The following SLC23A2 variants were observed in gnomAD, a reference collection of about 807,000 sequenced individuals.
SLC23A2 encodes the protein solute carrier family 23 member 2.
SLC23A2 carries 36 observed loss-of-function variants against 73.3 expected under a neutral mutation model. That is an observed-to-expected ratio of 0.49 (90% CI 0.38 to 0.65). The LOEUF is 0.65. Among genes scored for constraint, SLC23A2 ranks in the 30% least tolerant of loss-of-function variants. The pLI, the probability that SLC23A2 is intolerant of heterozygous loss-of-function variation, is 0.00. For synonymous variants in SLC23A2, 343 were observed against 327.3 expected, an observed-to-expected ratio of 1.05 and a Z score of -0.52; for missense variants, 507 against 841.6, an observed-to-expected ratio of 0.60 and a Z score of 4.92.
chr20:4,969,211 C>G (rs1388229720), intron 2 of SLC23A2, among the ~76,000 whole-genome samples: 1 of 151,856 alleles, frequency 6.6e-6, no homozygotes, highest in Admixed American at 6.6e-5. Flanking sequence ...CCTCAGCCTC[C>G]CGAATAGCTG....
At chr20:4,934,652 A>G (rs2946682) in intron 2 of SLC23A2, among the ~76,000 whole-genome samples, 27,164 of 151,882 alleles carry the variant, frequency 0.18, 3,512 homozygotes, top group African/African-American at 0.36. Context: ...ACCTGAGGTC[A>G]GGAGTTCAAG....
chr20:4,864,219 A>T (rs1393644774), intron 13 of SLC23A2, among the ~76,000 whole-genome samples: 1 of 152,198 alleles, frequency 6.6e-6, no homozygotes, highest in Non-Finnish European at 1.5e-5. Context: ...CTTCAATTTT[A>T]ATTAAGTAAA....
At chr20:5,006,829 C>T (rs189522422) in intron 1 of SLC23A2, among the ~76,000 whole-genome samples, 202 of 152,216 alleles carry the variant, frequency 1.3e-3, no homozygotes, top group African/African-American at 4.3e-3. Context: ...GAGTGAGCCA[C>T]CACTCCTGGC....
At chr20:4,914,633 T>A (rs963515782) in intron 3 of SLC23A2, among the ~76,000 whole-genome samples, 1 of 152,206 alleles carries the variant, frequency 6.6e-6, no homozygotes, top group Non-Finnish European at 1.5e-5. Flanking sequence ...ATATTCAAGG[T>A]TGATCACTGC....
upstream of SLC23A2, among the ~76,000 whole-genome samples, chr20:5,003,351 T>G (rs1240362574): frequency 6.6e-6 from 1 of 151,974 alleles, no homozygotes; most frequent in African/African-American, 2.4e-5. Context: ...GCCACCGCAC[T>G]CCAGCCTGGG....
At chr20:4,991,301 G>C (rs190476565) in intron 1 of SLC23A2, among the ~76,000 whole-genome samples, 2 of 152,000 alleles carry the variant, frequency 1.3e-5, no homozygotes. Flanking sequence ...GCAGACATGG[G>C]GTCTCACTAC....
Position 4,925,681 on chromosome 20 carries a change from C to T in SLC23A2, c.108+6774G>A, listed in dbSNP as rs577734362. Among the ~76,000 whole-genome samples, 4 of 152,280 alleles carry T rather than the reference C, an allele frequency of 2.6e-5. No homozygotes were observed. In the South Asian group the frequency reaches 8.3e-4, roughly 32 times the overall value. ...CCAAAACGAGCAAATTTACTATGACCTCTCCTCAGCATCCCTGCTGCTCAT... is the reference window on the plus strand; with the variant it reads ...CCAAAACGAGCAAATTTACTATGACTTCTCCTCAGCATCCCTGCTGCTCAT... On this transcript the variant is annotated intron_variant, in intron 3 of 16. Coordinates refer to ENST00000338244, the MANE Select transcript of SLC23A2 (RefSeq NM_005116.6).
At chr20:4,905,046 A>G (rs183105221) in intron 4 of SLC23A2, among the ~76,000 whole-genome samples, 2 of 149,866 alleles carry the variant, frequency 1.3e-5, no homozygotes, top group Admixed American at 6.7e-5. Flanking sequence ...CCTAGGAGAC[A>G]GAGGTTGCAG....
chr20:4,892,004 T>G (rs1428017183), intron 6 of SLC23A2, among the ~76,000 whole-genome samples: 2 of 152,132 alleles, frequency 1.3e-5, no homozygotes, highest in African/African-American at 4.8e-5. Context: ...TCCTCCCACT[T>G]TGGCCTCCCA....
chr20:4,959,646 C>T (rs73066453), intron 2 of SLC23A2, among the ~76,000 whole-genome samples: 3,734 of 151,638 alleles, frequency 0.025, 76 homozygotes, highest in Middle Eastern at 0.041. Flanking sequence ...TATAGGTGTG[C>T]GCTACCACAC....
intron 2 of SLC23A2, among the ~76,000 whole-genome samples, chr20:4,945,907 G>C (rs1383608108): frequency 6.6e-6 from 1 of 152,090 alleles, no homozygotes; most frequent in Non-Finnish European, 1.5e-5. Flanking sequence ...TGAGAAAGCG[G>C]TATAAGATGA....
chr20:5,001,583 C>T (rs1467709361), upstream of SLC23A2: 1 of 150,480 alleles, frequency 6.6e-6, no homozygotes, highest in Non-Finnish European at 1.5e-5. Context: ...GGCCCACCTC[C>T]CTCCCCGCCC....
At position 4,857,320 on chromosome 20, in the gene SLC23A2, A is replaced by ACG; in HGVS notation, c.1721-117_1721-116insCG. 1 of 542,966 alleles carries ACG rather than the reference A, an allele frequency of 1.8e-6. No individual in the cohort carries two copies. Among genetic ancestry groups the ACG allele is most frequent in the Non-Finnish European group, 3.2e-6 (1 of 311,210 alleles). 33.6% of individuals were successfully genotyped at this position (542,966 alleles called of 1,614,324 possible). ...CACACACACACACACACACACACAC[A>ACG]CACACACACACACACATGGTCCCAC... is the stretch of plus-strand genomic sequence containing the variant. On this transcript the variant is annotated intron_variant, in intron 16 of 16. Coordinates refer to ENST00000338244, the MANE Select transcript of SLC23A2 (RefSeq NM_005116.6). This position sits in a 1 kb window ranked among gnomAD's most constrained non-coding sequence, Gnocchi z 4.0.
At chr20:4,975,277 G>A (rs1325544379) in intron 1 of SLC23A2, among the ~76,000 whole-genome samples, 2 of 151,960 alleles carry the variant, frequency 1.3e-5, no homozygotes, top group Admixed American at 6.6e-5. Flanking sequence ...AAAGCACAAC[G>A]GAAGAAAACT....
At chr20:4,955,606 T>C (rs530246205) in intron 2 of SLC23A2, among the ~76,000 whole-genome samples, 19 of 151,876 alleles carry the variant, frequency 1.3e-4, no homozygotes, top group South Asian at 2.1e-4. Flanking sequence ...CTGGGAAACA[T>C]AGTGAAGCCC....
chr20:4,886,438 TACA>T (rs777449247), intron 6 of SLC23A2, among the ~76,000 whole-genome samples: 24 of 152,252 alleles, frequency 1.6e-4, no homozygotes, highest in Non-Finnish European at 2.8e-4. Context: ...AGCTGTAAGT[TACA>T]ACGTGACAGC....
intron 3 of SLC23A2, among the ~76,000 whole-genome samples, chr20:4,922,771 G>A (rs924486256): frequency 3.3e-5 from 5 of 151,836 alleles, no homozygotes; most frequent in African/African-American, 1.2e-4. Context: ...GGCAGAGGCT[G>A]CAGTGAGCCA....
intron 1 of SLC23A2, among the ~76,000 whole-genome samples, chr20:4,982,935 GTC>G (rs1330671223): frequency 6.6e-6 from 1 of 151,942 alleles, no homozygotes; most frequent in Non-Finnish European, 1.5e-5. Context: ...GAGAAACCCT[GTC>G]TCTACTAAAA....
At chr20:4,905,998 T>C (rs1291507467) in intron 4 of SLC23A2, among the ~76,000 whole-genome samples, 2 of 152,246 alleles carry the variant, frequency 1.3e-5, no homozygotes, top group Non-Finnish European at 2.9e-5. Flanking sequence ...ACTATACTAA[T>C]GTATATGTGT....
Sources: gnomAD v4.1 joint callset for allele counts (sites outside exome capture counted in the v4.1 genomes callset) on GRCh38, gnomAD v4.1.1 for gene constraint, Gnocchi (gnomAD v3.1) non-coding constraint, MANE v1.5 for transcripts, NCBI Gene and HGNC (gene_info 2026-07-23, HGNC 2026-07-21) for gene names.